The following ADAMTS12 variants were observed in gnomAD, a reference collection of about 807,000 sequenced individuals.
ADAMTS12 encodes A disintegrin and metalloproteinase with thrombospondin motifs 12.
ADAMTS12 carries 118 observed loss-of-function variants against 167.8 expected under a neutral mutation model. The ratio of observed to expected loss-of-function variants is 0.70; its 90% CI spans 0.61 to 0.82. The LOEUF (loss-of-function observed/expected upper bound fraction) is 0.82. Ranked by LOEUF, ADAMTS12 falls within the 40% of genes least tolerant of loss-of-function variation. The pLI is 0.00. For synonymous variants in ADAMTS12, 704 were observed against 716.9 expected (o/e 0.98, Z 0.29); for missense variants, 1,916 against 1,998.8 (o/e 0.96, Z 0.79).
At chr5:33,655,532 C>G (rs962174946) in intron 7 of ADAMTS12, among the ~76,000 whole-genome samples, 1 of 151,532 alleles carries the variant, frequency 6.6e-6, no homozygotes, top group South Asian at 2.1e-4. Flanking sequence ...CTGTTTTACA[C>G]CCTACTTCCC....
At chr5:33,722,230 T>C (rs1307657158) in intron 3 of ADAMTS12, among the ~76,000 whole-genome samples, 1 of 141,148 alleles carries the variant, frequency 7.1e-6, no homozygotes, top group African/African-American at 2.6e-5. Flanking sequence ...CGGTAATTGT[T>C]TGTTATCAGA....
chr5:33,716,250 T>G (rs1325510500), intron 3 of ADAMTS12, among the ~76,000 whole-genome samples: 1 of 152,082 alleles, frequency 6.6e-6, no homozygotes, highest in Non-Finnish European at 1.5e-5. Flanking sequence ...GGTACCATCT[T>G]TTAAGTCTGC....
intron 1 of ADAMTS12, 104 bp downstream of exon 1, chr5:33,891,626 T>C (rs1750857021): frequency 6.5e-7 from 1 of 1,542,248 alleles, no homozygotes; most frequent in African/African-American, 1.4e-5. Flanking sequence ...AAATGGCTTT[T>C]CAGAGTTCAG....
At chr5:33,643,239 C>A (rs370628206) in intron 10 of ADAMTS12, 139 bp downstream of exon 10, 2 of 785,036 alleles carry the variant, frequency 2.5e-6, no homozygotes. Flanking sequence ...TGGGTGATCT[C>A]CTCTGGCTGG....
At chr5:33,553,970 T>C (rs1400534184) in intron 20 of ADAMTS12, among the ~76,000 whole-genome samples, 1 of 152,204 alleles carries the variant, frequency 6.6e-6, no homozygotes, top group Non-Finnish European at 1.5e-5. Context: ...GCACTTACTA[T>C]GTTCCAAGCT....
At chr5:33,592,373 C>T (rs947823728) in intron 17 of ADAMTS12, among the ~76,000 whole-genome samples, 1 of 152,140 alleles carries the variant, frequency 6.6e-6, no homozygotes, top group African/African-American at 2.4e-5. Flanking sequence ...GGACTGAAAC[C>T]TACATGTAGC....
At chr5:33,742,531 G>A (rs1055661357) in intron 3 of ADAMTS12, among the ~76,000 whole-genome samples, 2 of 152,138 alleles carry the variant, frequency 1.3e-5, no homozygotes, top group African/African-American at 2.4e-5. Context: ...TTGGAATGCT[G>A]AGACCCTTGC....
intron 2 of ADAMTS12, among the ~76,000 whole-genome samples, chr5:33,814,374 T>C (rs34230132): frequency 0.45 from 67,759 of 151,948 alleles, 15,469 homozygotes; most frequent in Non-Finnish European, 0.47. Flanking sequence ...TAATATTACC[T>C]TGCTCCTAAA....
At position 33,687,711 on chromosome 5, in the gene ADAMTS12, T is replaced by TG. The variant is rs930248254; in HGVS notation, c.635-3657dup. Among the ~76,000 whole-genome samples the TG allele has an allele frequency of 5.8e-4, 89 of 152,304 alleles. 1 individual carries two copies. The highest frequency in any genetic ancestry group is 1.9e-3 in the African/African-American group (80 of 41,556). On this transcript the variant is annotated intron_variant, in intron 3 of 23. Transcript: ENST00000504830. ...GAACTGGGCCTTAACAGGACTGAGC[T>TG]GGGGGAGAGGACTGTATATATGTGG...
chr5:33,739,384 C>T lies in ADAMTS12; in HGVS notation c.634+12020G>A, dbSNP rs115347836. ...ATGCTAGGTCCTGAACTTAGAATAACAGCCCTGATGTATTTGACACTACTC... is the reference window on the plus strand; with the variant it reads ...ATGCTAGGTCCTGAACTTAGAATAATAGCCCTGATGTATTTGACACTACTC... On this transcript the variant is annotated intron_variant, in intron 3 of 23. Transcript: ENST00000504830. Among the ~76,000 whole-genome samples the T allele has an allele frequency of 3.2e-3, 486 of 152,314 alleles. 1 individual carries two copies. Among genetic ancestry groups the T allele is most frequent in the African/African-American group, 0.011 (476 of 41,564 alleles).
chr5:33,848,778 G>T (rs1255389500), intron 2 of ADAMTS12, among the ~76,000 whole-genome samples: 1 of 152,156 alleles, frequency 6.6e-6, no homozygotes, highest in Non-Finnish European at 1.5e-5. Context: ...CTGAAAAAGA[G>T]AAGTGGGAGG....
chr5:33,739,849 C>A (rs1744504281), intron 3 of ADAMTS12, among the ~76,000 whole-genome samples: 1 of 152,180 alleles, frequency 6.6e-6, no homozygotes, highest in South Asian at 2.1e-4. Flanking sequence ...GGAGAAAGCA[C>A]CTGAGAGCCA....
At chr5:33,811,520 G>C (rs972892174) in intron 2 of ADAMTS12, among the ~76,000 whole-genome samples, 2 of 152,110 alleles carry the variant, frequency 1.3e-5, no homozygotes, top group Non-Finnish European at 2.9e-5. Flanking sequence ...GAACAAGAAG[G>C]GCAAAGGCCC....
intron 3 of ADAMTS12, among the ~76,000 whole-genome samples, chr5:33,746,520 A>G (rs1183694081): frequency 1.3e-5 from 2 of 152,370 alleles, no homozygotes; most frequent in African/African-American, 4.8e-5. Flanking sequence ...AATAGACAAG[A>G]TATTCTTAAA....
chr5:33,678,745 G>C (rs1742007887), intron 5 of ADAMTS12, among the ~76,000 whole-genome samples: 1 of 152,204 alleles, frequency 6.6e-6, no homozygotes, highest in Admixed American at 6.5e-5. Context: ...GTAGGGGTTG[G>C]AGAAAGGGTG....
chr5:33,544,621 G>C (rs993156488), intron 22 of ADAMTS12, among the ~76,000 whole-genome samples: 1 of 152,056 alleles, frequency 6.6e-6, no homozygotes, highest in Admixed American at 6.6e-5. Context: ...ATACTACAAG[G>C]CTACAGTAAC....
intron 2 of ADAMTS12, among the ~76,000 whole-genome samples, chr5:33,856,404 G>T (rs1749404101): frequency 6.6e-6 from 1 of 152,126 alleles, no homozygotes; most frequent in African/African-American, 2.4e-5. Flanking sequence ...ACACATATTT[G>T]TGCAAATTGC....
Position 33,587,732 on chromosome 5 carries a change from G to C in ADAMTS12, c.2865+867C>G, listed in dbSNP as rs117915168. Among the ~76,000 whole-genome samples, 159 of 152,308 alleles carry C rather than the reference G, an allele frequency of 1.0e-3. 1 individual carries two copies. The East Asian group carries it at 0.028, about 26-fold the overall frequency. ...CTCCTAAAGTGCTGGGATTACAGGT[G>C]CCTGTCCAGTGGTAGCATTATCATG... On this transcript the variant is annotated intron_variant, in intron 18 of 23. Coordinates refer to ENST00000504830, the MANE Select transcript of ADAMTS12 (RefSeq NM_030955.4).
intron 7 of ADAMTS12, among the ~76,000 whole-genome samples, chr5:33,653,736 T>C (rs1346602824): frequency 1.3e-5 from 2 of 152,178 alleles, no homozygotes; most frequent in Non-Finnish European, 2.9e-5. Flanking sequence ...AAGATTTTCC[T>C]TTCTCTTTAG....
Sources: gnomAD v4.1 joint callset for allele counts (sites outside exome capture counted in the v4.1 genomes callset) on GRCh38, gnomAD v4.1.1 for gene constraint, MANE v1.5 for transcripts, NCBI Gene and HGNC (gene_info 2026-07-23, HGNC 2026-07-21) for gene names.